Variants in SVIL observed in about 807,000 individuals in gnomAD.
SVIL encodes the protein supervillin, also known as archvillin.
In SVIL, 101 loss-of-function variants were observed where a neutral mutation model predicts 240.4. That is an observed-to-expected ratio of 0.42 (90% CI 0.36 to 0.50). The LOEUF (loss-of-function observed/expected upper bound fraction) is 0.50, where lower values mean the gene tolerates loss of function less well. Among genes scored for constraint, SVIL ranks in the 20% least tolerant of loss-of-function variants. The pLI is 0.01. For synonymous variants in SVIL, 999 were observed against 1,100.0 expected, an observed-to-expected ratio of 0.91 and a Z score of 1.82; for missense variants, 2,512 against 2,818.7, an observed-to-expected ratio of 0.89 and a Z score of 2.46.
At chr10:29,656,752 C>G (rs1251743105) in intron 3 of SVIL, among the ~76,000 whole-genome samples, 1 of 152,212 alleles carries the variant, frequency 6.6e-6, no homozygotes, top group African/African-American at 2.4e-5. Flanking sequence ...GGATTTGAGA[C>G]TGAGCTCCCA....
rs756500341 is a variant in SVIL, at chr10:29,481,682, C to T, written c.5002G>A (p.Glu1668Lys). ...TTGAACAAAATCGTCTCATTGTGTT[C>T]AGTAAGTCTCCCAAATATCGCCCAG... is the stretch of plus-strand genomic sequence containing the variant. ...PDWAIFGRLT[E>K]HNETILFKEK... is the part of the protein sequence containing the mutation. The change falls in exon 28 of 38, where the codon GAA becomes AAA. Residue 1668 changes from glutamate (E) to lysine (K), a missense_variant. This residue lies in a region of SVIL where 797 missense variants were observed against 925.3 expected (regional missense o/e 0.86). Transcript: ENST00000355867. 2 of 1,613,868 alleles carry T rather than the reference C, an allele frequency of 1.2e-6. No individual in the cohort carries two copies. Among genetic ancestry groups the T allele is most frequent in the East Asian group, 4.5e-5 (2 of 44,838 alleles).
rs775595153 is a variant in SVIL at position 29,550,885 on chromosome 10, C to G, written c.539G>C (p.Gly180Ala). ...ATGGAGGGCATAGTCCTTGGATTCA[C>G]CGGCACAGGTCCTGAGCCCCATCGT... ...TETMGLRTCA[G>A]ESKDYALHVG... is the part of the protein sequence containing the mutation. Residue 180 changes from glycine to alanine, a missense_variant, in exon 6 of 38, where the codon GGT becomes GCT. Gly to Ala is a moderately conservative substitution (Grantham distance 60, BLOSUM62 0). This residue lies in a region of SVIL where 1,443 missense variants were observed against 1,486.6 expected (regional missense o/e 0.97). Coordinates refer to ENST00000355867, the MANE Select transcript of SVIL (RefSeq NM_021738.3). 6 of 1,614,000 alleles carry G rather than the reference C, an allele frequency of 3.7e-6. No individual in the cohort carries two copies. The highest frequency in any genetic ancestry group is 2.2e-5 in the East Asian group (1 of 44,860).
Position 29,486,492 on chromosome 10 carries a change from T to C in SVIL, c.4551A>G (p.Gln1517=), listed in dbSNP as rs377454947. The change falls in exon 25 of 38, where the codon CAA becomes CAG. Residue 1517 remains glutamine (Q), a synonymous_variant. Transcript: ENST00000355867. ...GTGTATTAATTCCTTCTTCAATGGT[T>C]TGGATATAAGTAGCTCTACAACCAA... is the stretch of plus-strand genomic sequence containing the variant. ...RELGCRATYI[Q]TIEEGINTHT... The C allele has an allele frequency of 3.1e-6, 5 of 1,614,176 alleles. No individual in the cohort carries two copies. The highest frequency in any genetic ancestry group is 3.4e-6 in the Non-Finnish European group (4 of 1,180,042).
chr10:29,604,614 G>C (rs571717789), intron 1 of SVIL, among the ~76,000 whole-genome samples: 1 of 152,014 alleles, frequency 6.6e-6, no homozygotes, highest in African/African-American at 2.4e-5. Flanking sequence ...GCCCAGGCTG[G>C]AGTGCAGTGG....
rs900848704 is a variant in SVIL at position 29,634,790 on chromosome 10, T to C, written c.-571A>G. 1 of 152,110 alleles carries C rather than the reference T, an allele frequency of 6.6e-6. No individual in the cohort carries two copies. The highest frequency in any genetic ancestry group is 2.4e-5 in the African/African-American group (1 of 41,416). The allele number at this position is 152,110 out of a possible 1,614,324, so 9.4% of individuals were successfully genotyped here. The stretch of plus-strand genomic sequence containing the variant: ...ACAGGTAAAGGCTACATCCCAAAAG[T>C]TCCTCTCCAAAAAGAACGCCAAAAT... On this transcript the variant is annotated 5_prime_UTR_variant, in exon 1 of 38. Transcript: ENST00000355867.
chr10:29,536,284 G>A (rs1951737362), intron 6 of SVIL, among the ~76,000 whole-genome samples: 1 of 152,124 alleles, frequency 6.6e-6, no homozygotes, highest in African/African-American at 2.4e-5. Flanking sequence ...GGCGGGGATG[G>A]AAACACAACC....
intron 3 of SVIL, among the ~76,000 whole-genome samples, chr10:29,648,968 G>A (rs773345799): frequency 3.3e-5 from 5 of 151,350 alleles, no homozygotes; most frequent in East Asian, 2.0e-4. Context: ...TAAGGCACCC[G>A]TCTACACACA....
At chr10:29,729,831 C>G in intron 1 of SVIL, among the ~76,000 whole-genome samples, 1 of 67,698 alleles carries the variant, frequency 1.5e-5, no homozygotes, top group Non-Finnish European at 2.6e-5. Context: ...GAGACTCCAT[C>G]TCAAAAAAAA....
intron 7 of SVIL, 108 bp downstream of exon 7, chr10:29,535,881 A>G (rs776461798): frequency 9.1e-7 from 1 of 1,095,868 alleles, no homozygotes; most frequent in Non-Finnish European, 1.4e-6. Flanking sequence ...TTTCAAGTGC[A>G]CTGGTATTAA....
intron 3 of SVIL, among the ~76,000 whole-genome samples, chr10:29,649,370 C>G (rs896751916): frequency 3.3e-5 from 5 of 152,048 alleles, no homozygotes; most frequent in African/African-American, 1.2e-4. Flanking sequence ...TCTGAACCCC[C>G]ACGGCATGCC....
intron 1 of SVIL, among the ~76,000 whole-genome samples, chr10:29,690,422 T>C (rs1961412865): frequency 6.6e-6 from 1 of 152,162 alleles, no homozygotes; most frequent in African/African-American, 2.4e-5. Flanking sequence ...TATCCTTGGA[T>C]AACAAGGATC....
At chr10:29,496,532 G>C in intron 18 of SVIL, 1 of 399,654 alleles carries the variant, frequency 2.5e-6, no homozygotes, top group African/African-American at 2.1e-5. Flanking sequence ...TGTCCTGGCC[G>C]GTGCCGGGCA....
At position 29,550,887 on chromosome 10, in the gene SVIL, G is replaced by C; in HGVS notation, c.537C>G (p.Ala179=). 10 of 1,613,966 alleles carry C rather than the reference G, an allele frequency of 6.2e-6. No individual in the cohort carries two copies. Among genetic ancestry groups the C allele is most frequent in the Non-Finnish European group, 7.6e-6 (9 of 1,179,986 alleles). The part of the protein sequence containing the change: ...GTETMGLRTC[A]GESKDYALHV... ...GGAGGGCATAGTCCTTGGATTCACCGGCACAGGTCCTGAGCCCCATCGTCT... is the reference window on the plus strand; with the variant it reads ...GGAGGGCATAGTCCTTGGATTCACCCGCACAGGTCCTGAGCCCCATCGTCT... Residue 179 remains alanine (A), a synonymous_variant, in exon 6 of 38, where the codon GCC becomes GCG. Coordinates refer to ENST00000355867, the MANE Select transcript of SVIL (RefSeq NM_021738.3).
intron 3 of SVIL, among the ~76,000 whole-genome samples, chr10:29,654,922 T>G (rs577084615): frequency 5.5e-4 from 84 of 152,092 alleles, no homozygotes; most frequent in African/African-American, 1.9e-3. Context: ...CCCTGTCTTT[T>G]TTTCTATCCA....
At chr10:29,650,166 T>C (rs796546896) in intron 3 of SVIL, among the ~76,000 whole-genome samples, 4 of 152,362 alleles carry the variant, frequency 2.6e-5, no homozygotes, top group African/African-American at 9.6e-5. Flanking sequence ...GCTCAAAACA[T>C]TTCAAATGGA....
At chr10:29,571,274 G>T (rs1021567977) in intron 1 of SVIL, among the ~76,000 whole-genome samples, 1 of 152,244 alleles carries the variant, frequency 6.6e-6, no homozygotes, top group Non-Finnish European at 1.5e-5. Flanking sequence ...ACAGACTGGA[G>T]CCCAGTGATG....
chr10:29,535,855 G>C (rs1397849976), intron 7 of SVIL, 134 bp downstream of exon 7: 4 of 833,902 alleles, frequency 4.8e-6, no homozygotes, highest in Non-Finnish European at 7.8e-6. Flanking sequence ...TGATTAGAAA[G>C]TAACTTCCAC....
intron 2 of SVIL, among the ~76,000 whole-genome samples, chr10:29,661,267 T>A (rs1241673533): frequency 6.6e-6 from 1 of 151,556 alleles, no homozygotes; most frequent in African/African-American, 2.4e-5. Context: ...AGAGTAAAAC[T>A]TCAGAATATA....
At chr10:29,668,217 G>C (rs917775896) in intron 2 of SVIL, among the ~76,000 whole-genome samples, 29 of 152,196 alleles carry the variant, frequency 1.9e-4, no homozygotes, top group African/African-American at 6.5e-4. Flanking sequence ...CTGTAGCCTG[G>C]GCACCAGAGT....
Sources: allele counts gnomAD v4.1 joint callset (sites outside exome capture counted in the v4.1 genomes callset), GRCh38; gene constraint gnomAD v4.1.1; regional missense constraint gnomAD v4.1.1; transcripts MANE v1.5; gene names NCBI Gene and HGNC (gene_info 2026-07-23, HGNC 2026-07-21).